Variants in AGBL4 observed in about 807,000 individuals in gnomAD.
AGBL4 encodes the protein cytosolic carboxypeptidase 6.
In AGBL4, 58 loss-of-function variants were observed where a neutral mutation model predicts 66.4. That is an observed-to-expected ratio of 0.87 (90% confidence interval 0.71 to 1.09). The LOEUF (loss-of-function observed/expected upper bound fraction) is 1.09, where lower values mean the gene tolerates loss of function less well. Among genes scored for constraint, AGBL4 ranks in the 50% least tolerant of loss-of-function variants. The pLI, the probability that AGBL4 is intolerant of heterozygous loss-of-function variation, is 0.00. For missense variants in AGBL4, 579 were observed against 631.0 expected, an observed-to-expected ratio of 0.92 and a Z score of 0.88; for synonymous variants, 234 against 222.9, an observed-to-expected ratio of 1.05 and a Z score of -0.44.
chr1:49,025,376 A>G (rs1663577152), intron 5 of AGBL4, among the ~76,000 whole-genome samples: 1 of 152,156 alleles, frequency 6.6e-6, no homozygotes, highest in African/African-American at 2.4e-5. Flanking sequence ...AAACAGTAGC[A>G]GTTAAGTCTT....
chr1:49,903,884 A>C (rs1419524175), intron 1 of AGBL4, among the ~76,000 whole-genome samples: 2 of 152,188 alleles, frequency 1.3e-5, no homozygotes, highest in African/African-American at 4.8e-5. Context: ...AACACTCCAG[A>C]AGGTAAAGAA....
intron 6 of AGBL4, among the ~76,000 whole-genome samples, chr1:48,846,362 GAAGAAAGAAAGAAAGAAAGAAAGA>G (rs72459142): frequency 1.9e-4 from 22 of 118,690 alleles, no homozygotes; most frequent in African/African-American, 4.3e-4. Flanking sequence ...GAGAAAGAAA[GAAGAAAGAAAGAAAGAAAGAAAGA>G]AAGAAAGAAA....
chr1:49,806,536 C>G (rs533328126), intron 2 of AGBL4, among the ~76,000 whole-genome samples: 1 of 152,038 alleles, frequency 6.6e-6, no homozygotes, highest in Non-Finnish European at 1.5e-5. Flanking sequence ...TGAAGCAGAA[C>G]TTAAAGATCT....
At chr1:49,289,974 A>T (rs1035188489) in intron 3 of AGBL4, among the ~76,000 whole-genome samples, 1 of 152,208 alleles carries the variant, frequency 6.6e-6, no homozygotes, top group African/African-American at 2.4e-5. Context: ...AAAAAGGGTG[A>T]AATATATGAA....
chr1:48,878,170 TA>T (rs964555535), intron 5 of AGBL4, among the ~76,000 whole-genome samples: 44 of 152,300 alleles, frequency 2.9e-4, no homozygotes, highest in African/African-American at 1.1e-3. Flanking sequence ...CTGTGACTTT[TA>T]AAAAGATCCT....
chr1:48,847,696 G>A (rs7539198), intron 6 of AGBL4, among the ~76,000 whole-genome samples: 2 of 152,078 alleles, frequency 1.3e-5, no homozygotes, highest in Non-Finnish European at 2.9e-5. Flanking sequence ...GGACAGAGAC[G>A]GTGTCTTTTT....
At chr1:48,600,147 C>T (rs1381880679) in intron 9 of AGBL4, among the ~76,000 whole-genome samples, 3 of 152,158 alleles carry the variant, frequency 2.0e-5, no homozygotes, top group Non-Finnish European at 4.4e-5. Context: ...ATCTGGTTCA[C>T]TTCCATATCC....
In AGBL4 at chr1:49,340,216, G is replaced by GAA. The variant is rs35729306; in HGVS notation, c.283-94354_283-94353dup. ...TTAGTACGTTTGTAAATTCTCTATG[G>GAA]AAAAAAAAAAAAAAAAAAGAGTGGA... On this transcript the variant is annotated intron_variant, in intron 3 of 13. Coordinates refer to ENST00000371839, the MANE Select transcript of AGBL4 (RefSeq NM_032785.4). Among the ~76,000 whole-genome samples, 10 of 128,038 alleles carry GAA rather than the reference G, an allele frequency of 7.8e-5. No individual in the cohort carries two copies. In the South Asian group the frequency reaches 2.4e-3, roughly 30 times the overall value. 84.0% of individuals were successfully genotyped at this position (128,038 alleles called of 152,430 possible).
At chr1:49,134,811 AT>A (rs1285040568) in intron 4 of AGBL4, among the ~76,000 whole-genome samples, 1 of 152,122 alleles carries the variant, frequency 6.6e-6, no homozygotes, top group African/African-American at 2.4e-5. Flanking sequence ...GGATTAAGAG[AT>A]TAAAGTAAAG....
intron 5 of AGBL4, among the ~76,000 whole-genome samples, chr1:48,923,938 C>G (rs1368868552): frequency 6.6e-6 from 1 of 152,106 alleles, no homozygotes; most frequent in African/African-American, 2.4e-5. Flanking sequence ...ATGAATGCAG[C>G]CAACCTTCCA....
intron 3 of AGBL4, among the ~76,000 whole-genome samples, chr1:49,516,207 C>G (rs971236203): frequency 6.6e-6 from 1 of 151,756 alleles, no homozygotes; most frequent in Non-Finnish European, 1.5e-5. Flanking sequence ...CCAAGGATCT[C>G]ACAATATAAT....
At chr1:48,670,598 G>A (rs1433726925) in intron 6 of AGBL4, among the ~76,000 whole-genome samples, 1 of 152,264 alleles carries the variant, frequency 6.6e-6, no homozygotes, top group Non-Finnish European at 1.5e-5. Context: ...GCTGCTCTGT[G>A]GGCTCTGGCA....
intron 3 of AGBL4, among the ~76,000 whole-genome samples, chr1:49,543,906 A>T (rs1313223776): frequency 1.3e-5 from 2 of 152,206 alleles, no homozygotes; most frequent in African/African-American, 4.8e-5. Context: ...TGGAAAAAAC[A>T]AAAAACTGTT....
rs545220923 is a variant in AGBL4 at position 49,757,243 on chromosome 1, A to T, written c.158-59806T>A. ...GATTGTATATTTTTTGAGGCTTCCC[A>T]GCCATGCAAAACTGAGAGTCAATTA... On this transcript the variant is annotated intron_variant, in intron 2 of 13. Transcript: ENST00000371839. 6.6e-5 allele frequency among the ~76,000 whole-genome samples: 10 copies of T among 152,356 alleles called. No homozygotes were observed. In the East Asian group the frequency reaches 1.9e-3, roughly 29 times the overall value.
chr1:48,919,630 A>C (rs1653916237), intron 5 of AGBL4, among the ~76,000 whole-genome samples: 2 of 152,218 alleles, frequency 1.3e-5, no homozygotes, highest in African/African-American at 4.8e-5. Context: ...AGTACTGACA[A>C]TGTGGATCGG....
intron 4 of AGBL4, among the ~76,000 whole-genome samples, chr1:49,105,189 G>A (rs1645270438): frequency 1.3e-5 from 2 of 152,168 alleles, no homozygotes; most frequent in South Asian, 2.1e-4. Context: ...TGGGAGGACA[G>A]GCATGGCTTT....
At chr1:49,166,509 T>C (rs935233997) in intron 4 of AGBL4, among the ~76,000 whole-genome samples, 15 of 152,158 alleles carry the variant, frequency 9.9e-5, no homozygotes, top group African/African-American at 3.6e-4. Context: ...AACTCTAGTA[T>C]GTTATTAGGT....
In AGBL4 at chr1:49,504,578, C is replaced by T. The variant is rs374375678; in HGVS notation, c.282+192735G>A. 3.3e-5 allele frequency among the ~76,000 whole-genome samples: 5 copies of T among 152,170 alleles called. No homozygotes were observed. The East Asian group carries it at 9.6e-4, about 29-fold the overall frequency. On this transcript the variant is annotated intron_variant, in intron 3 of 13. Coordinates refer to ENST00000371839, the MANE Select transcript of AGBL4 (RefSeq NM_032785.4). ...ATATTCACTTGATGAGTTTACCCCT[C>T]TCTCATTACATAATGTCTTCTTTGT...
At chr1:49,806,952 C>G (rs1184261125) in intron 2 of AGBL4, among the ~76,000 whole-genome samples, 1 of 152,144 alleles carries the variant, frequency 6.6e-6, no homozygotes, top group Non-Finnish European at 1.5e-5. Flanking sequence ...TAAACCTTGC[C>G]AATATCTGTG....
Sources: gnomAD v4.1 joint callset for allele counts (sites outside exome capture counted in the v4.1 genomes callset) on GRCh38, gnomAD v4.1.1 for gene constraint, MANE v1.5 for transcripts, NCBI Gene and HGNC (gene_info 2026-07-23, HGNC 2026-07-21) for gene names.